MYOM2: variants seen among roughly 807,000 people sequenced by gnomAD.
The protein encoded by MYOM2 is myomesin-2.
MYOM2 carries 254 observed loss-of-function variants against 187.6 expected under a neutral mutation model. The ratio of observed to expected loss-of-function variants is 1.35; its 90% confidence interval spans 1.22 to 1.50. The LOEUF is 1.50. MYOM2 is among the 40% of genes most tolerant of loss of function. The pLI is 0.00. For missense variants in MYOM2, 2,796 were observed against 1,924.0 expected (o/e 1.45, Z -8.48); for synonymous variants, 981 against 753.8 (o/e 1.30, Z -4.94).
At position 2,078,742 on chromosome 8, in the gene MYOM2, T is replaced by G; in HGVS notation, c.1271T>G (p.Val424Gly). 1 of 1,614,112 alleles carries G rather than the reference T, an allele frequency of 6.2e-7. No individual in the cohort carries two copies. Among genetic ancestry groups the G allele is most frequent in the Non-Finnish European group, 8.5e-7 (1 of 1,180,012 alleles). ...CTTTTTTTAACTTGAAGATGTGAAG[T>G]AGGAACGAATAATTGGGTGCAGTGC... ...VMGYFVDRCEVGTNNWVQCND... is the reference protein window; with the variant it reads ...VMGYFVDRCEGGTNNWVQCND... Residue 424 changes from valine (V) to glycine (G), a missense_variant, in exon 12 of 37, where the codon GTA becomes GGA. Physicochemically the swap from Val to Gly is moderately radical, Grantham distance 109. Transcript: ENST00000262113.
In MYOM2 at chr8:2,085,536, T is replaced by C. The variant is rs57083435; in HGVS notation, c.1644+146T>C. On this transcript the variant is annotated intron_variant, in intron 14 of 36. Transcript: ENST00000262113. ...CGTGGCCCCCCACTGTTGTGATCTC[T>C]GCGTGGCCCCACTGTCATGATCTCT... is the stretch of plus-strand genomic sequence containing the variant. 9.0e-3 allele frequency: 2,806 copies of C among 312,394 alleles called. 116 individuals carry two copies. Among genetic ancestry groups the C allele is most frequent in the Middle Eastern group, 0.016 (16 of 1,020 alleles). The allele number at this position is 312,394 out of a possible 1,614,324, so 19.4% of individuals were successfully genotyped here.
chr8:2,086,931 A>C (rs1425462839), intron 14 of MYOM2, among the ~76,000 whole-genome samples: 5 of 146,596 alleles, frequency 3.4e-5, no homozygotes, highest in African/African-American at 1.3e-4. Context: ...GATATCCAAT[A>C]GAAAGCTTTT....
At chr8:2,101,150 A>G (rs1482112941) in intron 20 of MYOM2, 96 bp downstream of exon 20, 2 of 1,275,676 alleles carry the variant, frequency 1.6e-6, no homozygotes, top group Non-Finnish European at 2.2e-6. Flanking sequence ...GTTCGAAACC[A>G]GCCTGGCCAA....
At chr8:2,104,477 C>A (rs564239360) in intron 21 of MYOM2, among the ~76,000 whole-genome samples, 1 of 151,830 alleles carries the variant, frequency 6.6e-6, no homozygotes, top group Non-Finnish European at 1.5e-5. Flanking sequence ...TGGTGTTGGG[C>A]GCCTGTAGTC....
At chr8:2,051,665 C>T (rs1818493660) in intron 2 of MYOM2, among the ~76,000 whole-genome samples, 1 of 152,218 alleles carries the variant, frequency 6.6e-6, no homozygotes, top group Admixed American at 6.5e-5. Flanking sequence ...ATATATAATC[C>T]TGGCGTGGAG....
chr8:2,144,784 G>A lies in MYOM2; in HGVS notation c.4201G>A (p.Val1401Ile), dbSNP rs781627298. ...FSVKVEQAKYVSMTIKGVTSE... is the reference protein window; with the variant it reads ...FSVKVEQAKYISMTIKGVTSE... ...GGTGAAGGTGGAGCAGGCCAAGTACGTCAGCATGACCATCAAAGGCGTGAC... is the reference window on the plus strand; with the variant it reads ...GGTGAAGGTGGAGCAGGCCAAGTACATCAGCATGACCATCAAAGGCGTGAC... The change falls in exon 37 of 37, where the codon GTC becomes ATC. Residue 1401 changes from valine to isoleucine, a missense_variant. Val to Ile is a conservative substitution (Grantham distance 29, BLOSUM62 3). Coordinates refer to ENST00000262113, the MANE Select transcript of MYOM2 (RefSeq NM_003970.4). The A allele has an allele frequency of 1.1e-5, 17 of 1,614,192 alleles. No individual in the cohort carries two copies. Among genetic ancestry groups the A allele is most frequent in the Middle Eastern group, 1.6e-4 (1 of 6,062 alleles).
At chr8:2,045,872 C>T (rs958120604) in intron 1 of MYOM2, among the ~76,000 whole-genome samples, 3 of 152,162 alleles carry the variant, frequency 2.0e-5, no homozygotes, top group Non-Finnish European at 2.9e-5. Context: ...TGGAAGGCAC[C>T]GGAGGCAAAC....
rs2116710557 is a variant in MYOM2 at position 2,086,379 on chromosome 8, GC to G, written c.1644+990del. 1.0e-4 allele frequency among the ~76,000 whole-genome samples: 4 copies of G among 39,534 alleles called. 1 individual carries two copies. The South Asian group carries it at 3.8e-3, about 37-fold the overall frequency. 25.9% of individuals were successfully genotyped at this position (39,534 alleles called of 152,430 possible). A position where few individuals can be genotyped will look rare whatever the true frequency, so the allele number is the denominator to read the frequency against. ...GTGGCCTCCCACTGTTGTGATCTCT[GC>G]GTGGCCTCCCACTGTTGTGATCTCT... On this transcript the variant is annotated intron_variant, in intron 14 of 36. Transcript: ENST00000262113.
At chr8:2,102,876 A>G (rs942564208) in intron 21 of MYOM2, 95 bp downstream of exon 21, 12 of 966,096 alleles carry the variant, frequency 1.2e-5, no homozygotes, top group South Asian at 1.5e-5. Context: ...TGGATAAATG[A>G]GTGGGAGAGT....
intron 31 of MYOM2, among the ~76,000 whole-genome samples, chr8:2,127,509 C>T (rs1413439836): frequency 6.6e-6 from 1 of 152,240 alleles, no homozygotes; most frequent in East Asian, 1.9e-4. Context: ...CCTCAGGTTC[C>T]TGGGTGGTTT....
intron 18 of MYOM2, 152 bp downstream of exon 18, chr8:2,096,586 A>G (rs7820357): frequency 3.8e-6 from 3 of 783,392 alleles, no homozygotes; most frequent in East Asian, 2.7e-5. Context: ...TTTTGGAGCT[A>G]AAAAGATCCT....
In MYOM2 at chr8:2,086,352, G is replaced by A. The variant is rs1167135067; in HGVS notation, c.1644+962G>A. On this transcript the variant is annotated intron_variant, in intron 14 of 36. Coordinates refer to ENST00000262113, the MANE Select transcript of MYOM2 (RefSeq NM_003970.4). ...GTGGCCCCCCACTGTTGTGATCTCTGCGTGGCCTCCCACTGTTGTGATCTC... is the reference window on the plus strand; with the variant it reads ...GTGGCCCCCCACTGTTGTGATCTCTACGTGGCCTCCCACTGTTGTGATCTC... Among the ~76,000 whole-genome samples, 295 of 44,524 alleles carry A rather than the reference G, an allele frequency of 6.6e-3. 27 individuals are homozygous for A. The highest frequency in any genetic ancestry group is 0.012 in the South Asian group (14 of 1,166). 29.2% of individuals were successfully genotyped at this position (44,524 alleles called of 152,430 possible).
chr8:2,056,098 A>G (rs1818654687), intron 3 of MYOM2, among the ~76,000 whole-genome samples: 1 of 152,176 alleles, frequency 6.6e-6, no homozygotes, highest in African/African-American at 2.4e-5. Flanking sequence ...CAGAGGTGAG[A>G]AGTAGCCAAT....
At chr8:2,110,737 G>GC (rs903238033) in intron 25 of MYOM2, among the ~76,000 whole-genome samples, 2 of 152,154 alleles carry the variant, frequency 1.3e-5, no homozygotes, top group African/African-American at 4.8e-5. Context: ...CTCCCGGGCA[G>GC]CCCCCCTACC....
chr8:2,098,861 A>G lies in MYOM2; in HGVS notation c.2318A>G (p.Asp773Gly), dbSNP rs1391396278. ...ATTTAAACAAAATCTGAATAGGTGG[A>G]CGGCTTGACGGAAGGCTCACTCTAC... ...SPSKPTILTV[D>G]GLTEGSLYEF... The change falls in exon 19 of 37, where the codon GAC becomes GGC. Residue 773 changes from aspartate (D) to glycine (G), a missense_variant. Coordinates refer to ENST00000262113, the MANE Select transcript of MYOM2 (RefSeq NM_003970.4). 3.7e-6 allele frequency: 6 copies of G among 1,611,032 alleles called. No homozygotes were observed. The highest frequency in any genetic ancestry group is 1.3e-5 in the African/African-American group (1 of 75,010).
intron 25 of MYOM2, among the ~76,000 whole-genome samples, chr8:2,113,689 C>G (rs1179889624): frequency 1.3e-5 from 2 of 152,164 alleles, no homozygotes; most frequent in Admixed American, 6.5e-5. Flanking sequence ...GAAGGAAGTT[C>G]CGGTCCTGAC....
intron 32 of MYOM2, among the ~76,000 whole-genome samples, chr8:2,132,995 T>C (rs78635510): frequency 0.14 from 21,100 of 151,988 alleles, 2,577 homozygotes; most frequent in African/African-American, 0.31. Context: ...GACGTTCCCT[T>C]TGTCCTGGTC....
In MYOM2 at chr8:2,138,092, A is replaced by G. The variant is rs149880893; in HGVS notation, c.3801-2631A>G. On this transcript the variant is annotated intron_variant, in intron 32 of 36. Transcript: ENST00000262113. ...GTCTGAGTGCTGCAATGGCCCATCA[A>G]TCCCTTTAGTAATAGCGACCTGCTG... Among the ~76,000 whole-genome samples the G allele has an allele frequency of 1.5e-3, 228 of 152,302 alleles. 1 individual carries two copies. The highest frequency in any genetic ancestry group is 3.4e-3 in the Middle Eastern group (1 of 294).
At chr8:2,100,685 C>T (rs1187775892) in intron 19 of MYOM2, among the ~76,000 whole-genome samples, 191 bp from the exon 20 acceptor site, 2 of 146,778 alleles carry the variant, frequency 1.4e-5, no homozygotes, top group South Asian at 2.1e-4. Context: ...TCCCTGACCC[C>T]CAACGTCATG....
Sources: gnomAD v4.1 joint callset for allele counts (sites outside exome capture counted in the v4.1 genomes callset) on GRCh38, gnomAD v4.1.1 for gene constraint, MANE v1.5 for transcripts, NCBI Gene and HGNC (gene_info 2026-07-23, HGNC 2026-07-21) for gene names.